Variants in ZC3H6 observed in about 807,000 individuals in gnomAD.
ZC3H6 encodes zinc finger CCCH-type containing 6.
A neutral mutation model predicts 107.7 loss-of-function variants in ZC3H6; 40 were observed. The observed-to-expected ratio is 0.37, with a 90% CI of 0.29 to 0.48. The LOEUF (loss-of-function observed/expected upper bound fraction) is 0.48, where lower values mean the gene tolerates loss of function less well. Among genes scored for constraint, ZC3H6 ranks in the 20% least tolerant of loss-of-function variants. The pLI, the probability that ZC3H6 is intolerant of heterozygous loss-of-function variation, is 0.98. For synonymous variants in ZC3H6, 493 were observed against 487.9 expected (o/e 1.01, Z -0.14); for missense variants, 1,267 against 1,410.4 (o/e 0.90, Z 1.63).
At chr2:112,306,581 C>T (rs1676481812) in intron 3 of ZC3H6, among the ~76,000 whole-genome samples, 1 of 152,140 alleles carries the variant, frequency 6.6e-6, no homozygotes, top group South Asian at 2.1e-4. Flanking sequence ...CTGTGCTGAG[C>T]ATTTTGTAGA....
rs1157174486 is a variant in ZC3H6, at chr2:112,338,855, GTATATATATATATATATATATATA to G, written c.*6402_*6425del. The G allele has an allele frequency of 0.058, 2,229 of 38,470 alleles. 111 individuals carry two copies. The highest frequency in any genetic ancestry group is 0.08 in the Middle Eastern group (4 of 50). The allele number at this position is 38,470 out of a possible 1,614,324, so 2.4% of individuals were successfully genotyped here. ...TATATATATATGTATGTATATGTGTGTATATATATATATATATATATATATATATATATATATATATATATATAT... is the reference window on the plus strand; with the variant it reads ...TATATATATATGTATGTATATGTGTGTATATATATATATATATATATATAT... On this transcript the variant is annotated 3_prime_UTR_variant, in exon 12 of 12. Coordinates refer to ENST00000409871, the MANE Select transcript of ZC3H6 (RefSeq NM_198581.3).
At chr2:112,305,521 A>G (rs1329226530) in intron 3 of ZC3H6, among the ~76,000 whole-genome samples, 2 of 152,220 alleles carry the variant, frequency 1.3e-5, no homozygotes, top group African/African-American at 4.8e-5. Context: ...CCCTGTAGAC[A>G]TACTGTTTTA....
intron 4 of ZC3H6, among the ~76,000 whole-genome samples, chr2:112,311,474 T>G (rs944559662): frequency 1.3e-5 from 2 of 152,202 alleles, no homozygotes; most frequent in African/African-American, 4.8e-5. Context: ...AATGTCTTCC[T>G]TAAATAGGAA....
intron 11 of ZC3H6, among the ~76,000 whole-genome samples, chr2:112,325,479 G>A (rs1299063974): frequency 6.6e-6 from 1 of 150,490 alleles, no homozygotes; most frequent in Non-Finnish European, 1.5e-5. Flanking sequence ...AAAAAAAAAA[G>A]GATTAAAAAT....
chr2:112,294,974 T>A (rs916486153), intron 1 of ZC3H6, among the ~76,000 whole-genome samples: 3 of 152,250 alleles, frequency 2.0e-5, no homozygotes, highest in African/African-American at 7.2e-5. Flanking sequence ...AGTGTACAGA[T>A]CACTGGTTTT....
chr2:112,283,100 T>C (rs755610389), intron 1 of ZC3H6, among the ~76,000 whole-genome samples: 1 of 152,190 alleles, frequency 6.6e-6, no homozygotes, highest in Non-Finnish European at 1.5e-5. Context: ...TGTTCTGGTT[T>C]ATGTTTTAGT....
chr2:112,284,011 G>A (rs911356376), intron 1 of ZC3H6, among the ~76,000 whole-genome samples: 3 of 152,232 alleles, frequency 2.0e-5, no homozygotes, highest in Non-Finnish European at 4.4e-5. Context: ...GCTGTGGAAA[G>A]CAATTCTATT....
At chr2:112,320,328 TAC>T (rs1198850638) in intron 7 of ZC3H6, among the ~76,000 whole-genome samples, 2 of 152,236 alleles carry the variant, frequency 1.3e-5, no homozygotes, top group African/African-American at 4.8e-5. Flanking sequence ...TGTATTTTAA[TAC>T]ACAGTGTGTT....
intron 1 of ZC3H6, among the ~76,000 whole-genome samples, chr2:112,281,231 T>C (rs183500377): frequency 6.6e-6 from 1 of 152,240 alleles, no homozygotes; most frequent in East Asian, 1.9e-4. Flanking sequence ...AGAGCCCTGA[T>C]ACAAGACAAC....
At chr2:112,289,269 G>C (rs1465072673) in intron 1 of ZC3H6, among the ~76,000 whole-genome samples, 1 of 149,918 alleles carries the variant, frequency 6.7e-6, no homozygotes, top group Non-Finnish European at 1.5e-5. Context: ...AAGTGCTAGG[G>C]TTACAGGCAT....
chr2:112,313,920 C>CT (rs1414857491), intron 5 of ZC3H6, among the ~76,000 whole-genome samples: 2 of 152,136 alleles, frequency 1.3e-5, no homozygotes, highest in African/African-American at 4.8e-5. Context: ...AAGAAGCAAA[C>CT]TTTCACTGAA....
At chr2:112,305,566 G>T (rs933981745) in intron 3 of ZC3H6, among the ~76,000 whole-genome samples, 5 of 152,094 alleles carry the variant, frequency 3.3e-5, no homozygotes, top group African/African-American at 1.2e-4. Context: ...AAGAAATTAA[G>T]AAAACGGATG....
chr2:112,335,049 GTGGA>G lies in ZC3H6; in HGVS notation c.*2563_*2566del, dbSNP rs1442089316. On this transcript the variant is annotated 3_prime_UTR_variant, in exon 12 of 12. Coordinates refer to ENST00000409871, the MANE Select transcript of ZC3H6 (RefSeq NM_198581.3). ...CCTGTTTACTGTGATGATGAATACA[GTGGA>G]TATAGCAGGGGGTTGAAATGGAACA... The G allele has an allele frequency of 6.6e-6, 1 of 152,248 alleles. No homozygotes were observed. Among genetic ancestry groups the G allele is most frequent in the Non-Finnish European group, 1.5e-5 (1 of 68,036 alleles). 9.4% of individuals were successfully genotyped at this position (152,248 alleles called of 1,614,324 possible).
chr2:112,314,999 A>G (rs1051246281), intron 5 of ZC3H6, among the ~76,000 whole-genome samples: 1 of 152,202 alleles, frequency 6.6e-6, no homozygotes, highest in Non-Finnish European at 1.5e-5. Context: ...TTAGACATCT[A>G]TTGCCTCAAT....
In ZC3H6 at chr2:112,331,898, G is replaced by T. The variant is rs781376542; in HGVS notation, c.2980G>T (p.Gly994Cys). 1.2e-6 allele frequency: 2 copies of T among 1,613,770 alleles called. No individual in the cohort carries two copies. The highest frequency in any genetic ancestry group is 1.7e-6 in the Non-Finnish European group (2 of 1,179,882). Reference sequence around the variant, plus strand: ...TATGAAGGATTCACATGCATCAAAGGGTGCCCCTCACTTACCCAGATCAAA... The same window carrying T: ...TATGAAGGATTCACATGCATCAAAGTGTGCCCCTCACTTACCCAGATCAAA... Reference protein sequence around the residue: ...VVMKDSHASKGAPHLPRSNPG... With the variant: ...VVMKDSHASKCAPHLPRSNPG... The change falls in exon 12 of 12, where the codon GGT becomes TGT. Residue 994 changes from glycine (G) to cysteine (C), a missense_variant. This residue lies in a region of ZC3H6 where 925 missense variants were observed against 1,025.7 expected (regional missense o/e 0.90). Coordinates refer to ENST00000409871, the MANE Select transcript of ZC3H6 (RefSeq NM_198581.3).
intron 2 of ZC3H6, among the ~76,000 whole-genome samples, chr2:112,300,657 T>G (rs1354548925): frequency 1.3e-5 from 2 of 152,236 alleles, no homozygotes. Context: ...ATTATTCATT[T>G]AGGTATATGA....
chr2:112,328,441 C>A (rs1314214391), intron 11 of ZC3H6, among the ~76,000 whole-genome samples: 1 of 152,146 alleles, frequency 6.6e-6, no homozygotes, highest in Non-Finnish European at 1.5e-5. Flanking sequence ...GACATTTTAA[C>A]AATATTGATT....
chr2:112,314,157 T>C (rs1159328659), intron 5 of ZC3H6, among the ~76,000 whole-genome samples: 1 of 151,136 alleles, frequency 6.6e-6, no homozygotes, highest in Non-Finnish European at 1.5e-5. Context: ...TGGTTTTTTT[T>C]CTCCCTCCAT....
chr2:112,318,409 C>T (rs961916231), intron 7 of ZC3H6, among the ~76,000 whole-genome samples: 1 of 151,878 alleles, frequency 6.6e-6, no homozygotes, highest in Non-Finnish European at 1.5e-5. Flanking sequence ...ATATCACTTA[C>T]GAAGAGGTCA....
Sources: allele counts gnomAD v4.1 joint callset (sites outside exome capture counted in the v4.1 genomes callset), GRCh38; gene constraint gnomAD v4.1.1; regional missense constraint gnomAD v4.1.1; transcripts MANE v1.5; gene names NCBI Gene and HGNC (gene_info 2026-07-23, HGNC 2026-07-21).